Variants in PPFIBP2 observed in about 807,000 individuals in gnomAD.
The protein encoded by PPFIBP2 is PPFIB scaffold protein 2, also known as liprin-beta-2.
In PPFIBP2, 118 loss-of-function variants were observed where a neutral mutation model predicts 118.3. The ratio of observed to expected loss-of-function variants is 1.00; its 90% CI spans 0.86 to 1.16. The LOEUF is 1.16. Ranked by LOEUF, PPFIBP2 falls within the 50% of genes most tolerant of loss-of-function variation. PPFIBP2 has a pLI of 0.00. For missense variants in PPFIBP2, 1,195 were observed against 1,073.1 expected (o/e 1.11, Z -1.59); for synonymous variants, 414 against 397.4 (o/e 1.04, Z -0.50).
chr11:7,584,695 G>C (rs956795927), intron 3 of PPFIBP2, among the ~76,000 whole-genome samples: 1 of 152,180 alleles, frequency 6.6e-6, no homozygotes, highest in African/African-American at 2.4e-5. Flanking sequence ...CCAGAGTCCT[G>C]TAACAGGAAT....
At chr11:7,588,740 T>C (rs139634198) in intron 3 of PPFIBP2, among the ~76,000 whole-genome samples, 1 of 152,354 alleles carries the variant, frequency 6.6e-6, no homozygotes, top group East Asian at 1.9e-4. Context: ...TTCAGCCTCT[T>C]GAGAGCAACA....
chr11:7,646,263 T>A (rs1417229830), intron 17 of PPFIBP2, among the ~76,000 whole-genome samples: 1 of 152,220 alleles, frequency 6.6e-6, no homozygotes, highest in African/African-American at 2.4e-5. Flanking sequence ...CTTTGTCAAT[T>A]CAAAGAATGT....
intron 1 of PPFIBP2, among the ~76,000 whole-genome samples, chr11:7,537,334 T>G (rs1292413820): frequency 3.3e-5 from 5 of 150,354 alleles, no homozygotes; most frequent in African/African-American, 1.2e-4. Flanking sequence ...TGAGGACACT[T>G]TTTTTCCCCC....
intron 3 of PPFIBP2, among the ~76,000 whole-genome samples, chr11:7,579,971 C>G (rs1001959840): frequency 1.3e-5 from 2 of 151,492 alleles, no homozygotes; most frequent in Non-Finnish European, 2.9e-5. Context: ...ACAAAAAAAA[C>G]AAATTCCCTT....
chr11:7,519,677 G>A (rs1849562681), intron 1 of PPFIBP2, among the ~76,000 whole-genome samples: 1 of 152,156 alleles, frequency 6.6e-6, no homozygotes, highest in East Asian at 1.9e-4. Flanking sequence ...AGGGAAAAAG[G>A]AGACAGTCCT....
intron 1 of PPFIBP2, among the ~76,000 whole-genome samples, chr11:7,541,497 G>A (rs1025930834): frequency 2.6e-5 from 4 of 152,116 alleles, no homozygotes; most frequent in Non-Finnish European, 4.4e-5. Flanking sequence ...CCTTTGGTTC[G>A]CTTATGGGTG....
intron 17 of PPFIBP2, among the ~76,000 whole-genome samples, chr11:7,646,781 T>C (rs1853134337): frequency 1.3e-5 from 2 of 152,262 alleles, no homozygotes; most frequent in Non-Finnish European, 2.9e-5. Flanking sequence ...ATCTCTGAAA[T>C]AACAAATACC....
In PPFIBP2 at chr11:7,651,804, C is replaced by T; in HGVS notation, c.2396C>T (p.Ser799Leu). Residue 799 changes from serine to leucine, a missense_variant, in exon 23 of 24, where the codon TCA becomes TTA. Physicochemically the swap from Ser to Leu is moderately radical, Grantham distance 145. Transcript: ENST00000299492. Reference sequence around the variant, plus strand: ...CAGGAGAAGCGAGAGAAAATGGCCTCACCAGCTTACACACCACTGACCACC... The same window carrying T: ...CAGGAGAAGCGAGAGAAAATGGCCTTACCAGCTTACACACCACTGACCACC... ...AEQEKREKMA[S>L]PAYTPLTTTA... 6.2e-7 allele frequency: 1 copy of T among 1,613,818 alleles called. No individual in the cohort carries two copies. Among genetic ancestry groups the T allele is most frequent in the Non-Finnish European group, 8.5e-7 (1 of 1,179,740 alleles).
chr11:7,523,093 GA>G (rs1667142500), intron 1 of PPFIBP2, among the ~76,000 whole-genome samples: 1 of 152,060 alleles, frequency 6.6e-6, no homozygotes, highest in African/African-American at 2.4e-5. Flanking sequence ...CAGGATCGGG[GA>G]CTCAGATGGC....
intron 1 of PPFIBP2, among the ~76,000 whole-genome samples, chr11:7,535,237 G>T (rs146421158): frequency 1.2e-3 from 190 of 152,344 alleles, no homozygotes; most frequent in Non-Finnish European, 2.4e-3. Flanking sequence ...ACAGGCAGGG[G>T]TGGGGATGCT....
chr11:7,608,302 A>G (rs529443858), intron 5 of PPFIBP2, among the ~76,000 whole-genome samples: 3 of 152,302 alleles, frequency 2.0e-5, no homozygotes, highest in East Asian at 1.9e-4. Flanking sequence ...CTGTGATACA[A>G]TAGACTAAAA....
chr11:7,651,757 C>A lies in PPFIBP2; in HGVS notation c.2349C>A (p.Ala783=), dbSNP rs758737186. ...LRRHLTTKFN[A]LIGPEAEQEK... ...GCCACCTGACCACCAAGTTCAATGC[C>A]TTGATTGGTCCGGAGGCTGAACAGG... The change falls in exon 23 of 24, where the codon GCC becomes GCA. Residue 783 remains alanine (A), a synonymous_variant. Coordinates refer to ENST00000299492, the MANE Select transcript of PPFIBP2 (RefSeq NM_003621.5). The A allele has an allele frequency of 1.9e-6, 3 of 1,614,118 alleles. No homozygotes were observed. The highest frequency in any genetic ancestry group is 2.5e-6 in the Non-Finnish European group (3 of 1,179,976).
intron 1 of PPFIBP2, among the ~76,000 whole-genome samples, chr11:7,539,794 C>T (rs550627942): frequency 3.3e-5 from 5 of 152,120 alleles, no homozygotes; most frequent in Admixed American, 6.5e-5. Context: ...GCAGGTAGAA[C>T]GAAGGACTTC....
intron 1 of PPFIBP2, among the ~76,000 whole-genome samples, chr11:7,530,795 G>A (rs758847378): frequency 2.6e-5 from 4 of 151,762 alleles, no homozygotes; most frequent in Non-Finnish European, 5.9e-5. Flanking sequence ...CCTCACTTGG[G>A]AAGAAAGGAG....
rs759339811 is a variant in PPFIBP2 at position 7,641,487 on chromosome 11, G to C, written c.1384G>C (p.Glu462Gln). Reference sequence around the variant, plus strand: ...CCTTCTTCCAATCTCAGGAGACACAGAAAGTGGCTGGGACGACACTGCTGT... The same window carrying C: ...CCTTCTTCCAATCTCAGGAGACACACAAAGTGGCTGGGACGACACTGCTGT... ...GSSLLRLRDT[E>Q]SGWDDTAVVN... The change falls in exon 16 of 24, where the codon GAA (glutamate) becomes CAA (glutamine). Residue 462 changes from glutamate (E) to glutamine (Q), a missense_variant. Physicochemically the swap from Glu to Gln is conservative, Grantham distance 29. Transcript: ENST00000299492. 1.1e-5 allele frequency: 17 copies of C among 1,613,870 alleles called. No homozygotes were observed. Among genetic ancestry groups the C allele is most frequent in the Non-Finnish European group, 1.4e-5 (16 of 1,179,912 alleles).
At chr11:7,603,592 T>G (rs1846947982) in intron 5 of PPFIBP2, among the ~76,000 whole-genome samples, 2 of 152,208 alleles carry the variant, frequency 1.3e-5, no homozygotes, top group Admixed American at 6.5e-5. Context: ...ATTCCACACT[T>G]AAAGATGGAG....
chr11:7,524,648 G>T (rs1455142941), intron 1 of PPFIBP2, among the ~76,000 whole-genome samples: 1 of 152,102 alleles, frequency 6.6e-6, no homozygotes, highest in Admixed American at 6.5e-5. Flanking sequence ...GCTAAACTGG[G>T]TGGGGACTGG....
At chr11:7,590,846 G>A (rs984236074) in intron 3 of PPFIBP2, among the ~76,000 whole-genome samples, 1 of 152,336 alleles carries the variant, frequency 6.6e-6, no homozygotes, top group Non-Finnish European at 1.5e-5. Context: ...CTATAAGGGT[G>A]TCATGGATAT....
intron 9 of PPFIBP2, 119 bp downstream of exon 9, chr11:7,628,465 A>ATCCC: frequency 2.8e-5 from 26 of 921,134 alleles, no homozygotes; most frequent in Non-Finnish European, 4.0e-5. Flanking sequence ...TGACATAGGG[A>ATCCC]TATGTCAGGA....
Sources: allele counts gnomAD v4.1 joint callset (sites outside exome capture counted in the v4.1 genomes callset), GRCh38; gene constraint gnomAD v4.1.1; transcripts MANE v1.5; gene names NCBI Gene and HGNC (gene_info 2026-07-23, HGNC 2026-07-21).